PINX1: variants seen among roughly 807,000 people sequenced by gnomAD.
PINX1 encodes PIN2/TERF1-interacting telomerase inhibitor 1.
A neutral mutation model predicts 25.4 loss-of-function variants in PINX1; 34 were observed. The ratio of observed to expected loss-of-function variants is 1.34; its 90% confidence interval spans 1.02 to 1.78. The LOEUF is 1.78. Ranked by LOEUF, PINX1 falls within the 40% of genes most tolerant of loss-of-function variation. The pLI is 0.00. For missense variants in PINX1, 592 were observed against 404.9 expected (o/e 1.46, Z -3.97); for synonymous variants, 197 against 147.7 (o/e 1.33, Z -2.42).
At position 10,794,697 on chromosome 8, in the gene PINX1, G is replaced by A. The variant is rs149784910; in HGVS notation, c.471+25496C>T. Among the ~76,000 whole-genome samples the A allele has an allele frequency of 4.5e-3, 691 of 152,220 alleles. 5 individuals are homozygous for A. Among genetic ancestry groups the A allele is most frequent in the South Asian group, 0.021 (102 of 4,826 alleles). On this transcript the variant is annotated intron_variant, in intron 6 of 6. Transcript: ENST00000314787. ...GATCACGAGGCTTCCCAAAGTGCTG[G>A]GATTACGGGCATGAGCCACTGCGCT... is the stretch of plus-strand genomic sequence containing the variant.
intron 6 of PINX1, among the ~76,000 whole-genome samples, chr8:10,819,930 T>TTAATCTAGTCCTC (rs1221318856): frequency 5.3e-5 from 8 of 152,168 alleles, no homozygotes; most frequent in Non-Finnish European, 1.2e-4. Flanking sequence ...TTCCCCAAGT[T>TTAATCTAGTCCTC]TAATCTAGTC....
chr8:10,776,473 A>G, intron 6 of PINX1, among the ~76,000 whole-genome samples: 1 of 151,836 alleles, frequency 6.6e-6, no homozygotes, highest in Non-Finnish European at 1.5e-5. Context: ...AAACAAATAA[A>G]AATTGGTCTT....
At chr8:10,808,831 A>C (rs549083601) in intron 6 of PINX1, among the ~76,000 whole-genome samples, 1 of 152,246 alleles carries the variant, frequency 6.6e-6, no homozygotes, top group Admixed American at 6.5e-5. Flanking sequence ...TCTCATATCT[A>C]AACTCCTATA....
chr8:10,831,603 C>CA, intron 4 of PINX1, 62 bp downstream of exon 4: 1 of 1,065,186 alleles, frequency 9.4e-7, no homozygotes, highest in Admixed American at 2.0e-5. Flanking sequence ...ATAATAAAAG[C>CA]AAAAAACAAA....
At chr8:10,776,070 A>G (rs1325328713) in intron 6 of PINX1, among the ~76,000 whole-genome samples, 1 of 152,188 alleles carries the variant, frequency 6.6e-6, no homozygotes, top group African/African-American at 2.4e-5. Context: ...TCTAGCATTC[A>G]TTATAGCCTA....
chr8:10,806,785 C>T (rs1802466155), intron 6 of PINX1, among the ~76,000 whole-genome samples: 1 of 152,116 alleles, frequency 6.6e-6, no homozygotes, highest in South Asian at 2.1e-4. Flanking sequence ...AGGGGAGGCG[C>T]TCCTGACAGG....
intron 1 of PINX1, among the ~76,000 whole-genome samples, chr8:10,835,158 T>G (rs138523002): frequency 3.3e-5 from 5 of 152,324 alleles, no homozygotes; most frequent in Non-Finnish European, 7.3e-5. Flanking sequence ...CAGCTTCCAT[T>G]GCCATGCGTT....
chr8:10,835,621 C>T (rs560456743), intron 1 of PINX1, among the ~76,000 whole-genome samples: 4 of 152,294 alleles, frequency 2.6e-5, no homozygotes, highest in Admixed American at 1.3e-4. Flanking sequence ...TCCGCCTTTC[C>T]GGTTTCCCAT....
At chr8:10,837,608 T>C (rs746559746) in intron 1 of PINX1, among the ~76,000 whole-genome samples, 1 of 152,180 alleles carries the variant, frequency 6.6e-6, no homozygotes, top group East Asian at 1.9e-4. Context: ...AGAATCACTA[T>C]TTGGGAAGTA....
intron 1 of PINX1, among the ~76,000 whole-genome samples, chr8:10,839,392 G>A (rs545074859): frequency 6.6e-6 from 1 of 152,342 alleles, no homozygotes; most frequent in Admixed American, 6.5e-5. Context: ...AGGAAGCTGA[G>A]GTCCGGGGTG....
At chr8:10,834,932 G>C (rs1457168366) in intron 1 of PINX1, among the ~76,000 whole-genome samples, 157 bp from the exon 2 acceptor site, 1 of 152,218 alleles carries the variant, frequency 6.6e-6, no homozygotes, top group Non-Finnish European at 1.5e-5. Flanking sequence ...CAGAATGTTA[G>C]ACTGGATCAT....
At chr8:10,824,035 C>T (rs1052090753) in intron 5 of PINX1, among the ~76,000 whole-genome samples, 9 of 152,136 alleles carry the variant, frequency 5.9e-5, no homozygotes, top group Admixed American at 1.3e-4. Flanking sequence ...GAGTTACAGT[C>T]GTTATCAGCA....
intron 1 of PINX1, among the ~76,000 whole-genome samples, chr8:10,839,025 C>T (rs1360267771): frequency 1.3e-5 from 2 of 152,188 alleles, no homozygotes; most frequent in African/African-American, 4.8e-5. Context: ...CCAAGCAGGA[C>T]CCGCTTTTCA....
chr8:10,824,215 T>G, intron 5 of PINX1, among the ~76,000 whole-genome samples: 1 of 152,176 alleles, frequency 6.6e-6, no homozygotes, highest in Non-Finnish European at 1.5e-5. Context: ...GGGAAATGGG[T>G]AGGTGACTTG....
At position 10,839,821 on chromosome 8, in the gene PINX1, G is replaced by A. The variant is rs149305485; in HGVS notation, c.-65C>T. On this transcript the variant is annotated 5_prime_UTR_variant, in exon 1 of 7. Coordinates refer to ENST00000314787, the MANE Select transcript of PINX1 (RefSeq NM_017884.6). ...GACTGCGGCCACTGGGCGGGCTGGAGACTCCAGGAGAATCAGGACGTGCGT... is the reference window on the plus strand; with the variant it reads ...GACTGCGGCCACTGGGCGGGCTGGAAACTCCAGGAGAATCAGGACGTGCGT... 4.0e-3 allele frequency: 5,916 copies of A among 1,495,016 alleles called. 14 individuals carry two copies. The highest frequency in any genetic ancestry group is 4.5e-3 in the Non-Finnish European group (4,931 of 1,093,042). The allele number at this position is 1,495,016 out of a possible 1,614,324, so 92.6% of individuals were successfully genotyped here.
At chr8:10,811,027 G>T (rs547366258) in intron 6 of PINX1, among the ~76,000 whole-genome samples, 1 of 152,386 alleles carries the variant, frequency 6.6e-6, no homozygotes, top group South Asian at 2.1e-4. Context: ...CTGTGAGAGT[G>T]TTGGTGCTGA....
At chr8:10,839,054 C>A (rs1379492642) in intron 1 of PINX1, among the ~76,000 whole-genome samples, 1 of 152,174 alleles carries the variant, frequency 6.6e-6, no homozygotes, top group Non-Finnish European at 1.5e-5. Flanking sequence ...GCATGACTGC[C>A]ATCTGGCGGC....
chr8:10,803,651 T>G (rs2129080466), intron 6 of PINX1, among the ~76,000 whole-genome samples: 1 of 152,370 alleles, frequency 6.6e-6, no homozygotes, highest in Non-Finnish European at 1.5e-5. Flanking sequence ...TTGATTAGAT[T>G]TAGGTTCAGC....
At chr8:10,809,668 A>C (rs1433334542) in intron 6 of PINX1, among the ~76,000 whole-genome samples, 2 of 152,236 alleles carry the variant, frequency 1.3e-5, no homozygotes, top group Non-Finnish European at 2.9e-5. Context: ...AGAGGAGGAC[A>C]GATAGGAACA....
Sources: allele counts gnomAD v4.1 joint callset (sites outside exome capture counted in the v4.1 genomes callset), GRCh38; gene constraint gnomAD v4.1.1; transcripts MANE v1.5; gene names NCBI Gene and HGNC (gene_info 2026-07-23, HGNC 2026-07-21).